GLRA1: variants seen among roughly 807,000 people sequenced by gnomAD.
GLRA1 encodes glycine receptor subunit alpha-1.
GLRA1 carries 37 observed loss-of-function variants against 48.3 expected under a neutral mutation model. The observed-to-expected ratio is 0.77, with a 90% CI of 0.59 to 1.01. The LOEUF (loss-of-function observed/expected upper bound fraction) is 1.01. Ranked by LOEUF, GLRA1 falls within the 50% of genes least tolerant of loss-of-function variation. GLRA1 has a pLI of 0.00. For synonymous variants in GLRA1, 196 were observed against 210.7 expected, an observed-to-expected ratio of 0.93 and a Z score of 0.60; for missense variants, 427 against 571.0, an observed-to-expected ratio of 0.75 and a Z score of 2.57.
At chr5:151,832,771 A>G (rs1226492615) in intron 7 of GLRA1, among the ~76,000 whole-genome samples, 2 of 152,198 alleles carry the variant, frequency 1.3e-5, no homozygotes, top group Non-Finnish European at 1.5e-5. Context: ...AAGACAGGCC[A>G]ATATTCAAAT....
At chr5:151,899,492 C>T (rs1394809310) in intron 1 of GLRA1, among the ~76,000 whole-genome samples, 1 of 152,048 alleles carries the variant, frequency 6.6e-6, no homozygotes, top group East Asian at 1.9e-4. Flanking sequence ...TCCTGGGCTT[C>T]TGGGAAGAGG....
chr5:151,822,765 G>A lies in GLRA1; in HGVS notation c.1258C>T (p.Arg420Cys), dbSNP rs182383995. 4.3e-6 allele frequency: 7 copies of A among 1,613,710 alleles called. No individual in the cohort carries two copies. The highest frequency in any genetic ancestry group is 2.2e-5 in the East Asian group (1 of 44,858). The stretch of plus-strand genomic sequence containing the variant: ...AGGAAGGCCATGGGGAAGCCAATGC[G>A]GGATATTTTGTCGATCTTCTTGGCC... ...QRAKKIDKIS[R>C]IGFPMAFLIF... Residue 420 changes from arginine (R) to cysteine (C), a missense_variant, in exon 9 of 9, where the codon CGC becomes TGC. Physicochemically the swap from Arg to Cys is radical, Grantham distance 180. Coordinates refer to ENST00000274576, the MANE Select transcript of GLRA1 (RefSeq NM_000171.4).
In GLRA1 at chr5:151,828,909, C is replaced by T. The variant is rs776389109; in HGVS notation, c.1059+12G>A. On this transcript the variant is annotated intron_variant, in intron 8 of 8. Coordinates refer to ENST00000274576, the MANE Select transcript of GLRA1 (RefSeq NM_000171.4). ...CAGCTGTCCCTCCTTAGGCAGTGAC[C>T]CAAAGGCCTACCTTGTGATGTCTCC... The T allele has an allele frequency of 6.2e-7, 1 of 1,613,118 alleles. No homozygotes were observed. Among genetic ancestry groups the T allele is most frequent in the Non-Finnish European group, 8.5e-7 (1 of 1,179,312 alleles).
chr5:151,850,528 C>T, intron 7 of GLRA1: 1 of 1,046,908 alleles, frequency 9.6e-7, no homozygotes, highest in South Asian at 1.3e-5. Context: ...AGTACCACAT[C>T]CACGCTTATG....
intron 1 of GLRA1, among the ~76,000 whole-genome samples, chr5:151,920,237 A>G (rs1754841209): frequency 6.6e-6 from 1 of 152,142 alleles, no homozygotes; most frequent in South Asian, 2.1e-4. Context: ...GGTTGGAGAG[A>G]ATGTAGAAGT....
In GLRA1 at chr5:151,924,686, G is replaced by A; in HGVS notation, c.-137C>T. 4 of 742,406 alleles carry A rather than the reference G, an allele frequency of 5.4e-6. No homozygotes were observed. Among genetic ancestry groups the A allele is most frequent in the Non-Finnish European group, 9.9e-6 (4 of 403,616 alleles). The allele number at this position is 742,406 out of a possible 1,614,324, so 46.0% of individuals were successfully genotyped here. On this transcript the variant is annotated 5_prime_UTR_variant, in exon 1 of 9. Coordinates refer to ENST00000274576, the MANE Select transcript of GLRA1 (RefSeq NM_000171.4). ...GGAGGCGGGGAACAGGGGCGCGGAGGGAGAGCCCCAGGGGAAATTGGAGCG... is the reference window on the plus strand; with the variant it reads ...GGAGGCGGGGAACAGGGGCGCGGAGAGAGAGCCCCAGGGGAAATTGGAGCG...
intron 3 of GLRA1, among the ~76,000 whole-genome samples, chr5:151,868,356 C>T (rs1264295629): frequency 1.3e-5 from 2 of 152,220 alleles, no homozygotes; most frequent in African/African-American, 4.8e-5. Flanking sequence ...TCTGAGACTT[C>T]ACCACATGCA....
Position 151,895,802 on chromosome 5 carries a change from C to T in GLRA1, c.57-3364G>A, listed in dbSNP as rs76777327. ...GGGCCACTGTCCATTCAGCACTGGA[C>T]TCATGGCTGCTGTGTGGCTCTGGTG... On this transcript the variant is annotated intron_variant, in intron 1 of 8. Transcript: ENST00000274576. Among the ~76,000 whole-genome samples, 253 of 152,252 alleles carry T rather than the reference C, an allele frequency of 1.7e-3. 1 individual carries two copies. The highest frequency in any genetic ancestry group is 0.014 in the East Asian group (73 of 5,182).
intron 6 of GLRA1, among the ~76,000 whole-genome samples, chr5:151,852,266 C>T (rs1752931842): frequency 6.6e-6 from 1 of 152,170 alleles, no homozygotes; most frequent in Non-Finnish European, 1.5e-5. Flanking sequence ...CATCCCTTTG[C>T]CCAGAATGCC....
At chr5:151,873,743 A>G (rs1238942715) in intron 3 of GLRA1, among the ~76,000 whole-genome samples, 1 of 151,820 alleles carries the variant, frequency 6.6e-6, no homozygotes, top group Non-Finnish European at 1.5e-5. Context: ...TTTGAAATTC[A>G]CTAACCCAGA....
Position 151,851,472 on chromosome 5 carries a change from G to A in GLRA1, c.830C>T (p.Ala277Val). The A allele has an allele frequency of 6.2e-7, 1 of 1,613,958 alleles. No homozygotes were observed. The highest frequency in any genetic ancestry group is 8.5e-7 in the Non-Finnish European group (1 of 1,179,848). The stretch of plus-strand genomic sequence containing the variant: ...GATGCCTAGGCCCACACGAGCAGGT[G>A]CAGCATCCATGTTGATCCAGAAGGA... Reference protein sequence around the residue: ...WISFWINMDAAPARVGLGITT... With the variant: ...WISFWINMDAVPARVGLGITT... Residue 277 changes from alanine (A) to valine (V), a missense_variant, in exon 7 of 9, where the codon GCA becomes GTA. Coordinates refer to ENST00000274576, the MANE Select transcript of GLRA1 (RefSeq NM_000171.4).
chr5:151,868,264 T>G (rs1019062712), intron 3 of GLRA1, among the ~76,000 whole-genome samples: 4 of 152,212 alleles, frequency 2.6e-5, no homozygotes, highest in Non-Finnish European at 5.9e-5. Flanking sequence ...TTGTGAAAAC[T>G]AAAGCCCTAA....
chr5:151,832,312 A>T (rs1336353716), intron 7 of GLRA1, among the ~76,000 whole-genome samples: 1 of 152,220 alleles, frequency 6.6e-6, no homozygotes. Flanking sequence ...CGACAAATTG[A>T]CAGAAGTAGG....
chr5:151,889,396 G>C (rs760976967), intron 2 of GLRA1, among the ~76,000 whole-genome samples: 2 of 152,220 alleles, frequency 1.3e-5, no homozygotes, highest in Non-Finnish European at 2.9e-5. Flanking sequence ...AGTCCTGCTG[G>C]ATCATTTTAC....
intron 1 of GLRA1, among the ~76,000 whole-genome samples, chr5:151,908,723 A>G (rs1754535899): frequency 6.6e-6 from 1 of 151,818 alleles, no homozygotes; most frequent in African/African-American, 2.4e-5. Context: ...TTGCTTCTTA[A>G]TCCCATAATG....
chr5:151,900,168 G>A (rs1280836393), intron 1 of GLRA1, among the ~76,000 whole-genome samples: 1 of 152,094 alleles, frequency 6.6e-6, no homozygotes, highest in East Asian at 1.9e-4. Context: ...GAAGAATGAG[G>A]TACCTAGTAA....
intron 7 of GLRA1, among the ~76,000 whole-genome samples, chr5:151,845,294 G>C (rs1002661420): frequency 2.0e-5 from 3 of 152,194 alleles, no homozygotes; most frequent in African/African-American, 7.2e-5. Flanking sequence ...CATAGAACAA[G>C]AGAAAATATG....
At chr5:151,923,383 A>G (rs1021918372) in intron 1 of GLRA1, among the ~76,000 whole-genome samples, 1 of 152,206 alleles carries the variant, frequency 6.6e-6, no homozygotes, top group African/African-American at 2.4e-5. Context: ...TTTGGTGACC[A>G]CTTATTTTTA....
At chr5:151,911,491 A>G (rs1754605842) in intron 1 of GLRA1, among the ~76,000 whole-genome samples, 1 of 152,150 alleles carries the variant, frequency 6.6e-6, no homozygotes, top group African/African-American at 2.4e-5. Flanking sequence ...TTAACAGATG[A>G]GGAAAATCGA....
Sources: allele counts gnomAD v4.1 joint callset (sites outside exome capture counted in the v4.1 genomes callset), GRCh38; gene constraint gnomAD v4.1.1; transcripts MANE v1.5; gene names NCBI Gene and HGNC (gene_info 2026-07-23, HGNC 2026-07-21).